Variants in FBXW7 observed in about 807,000 individuals in gnomAD.
The protein encoded by FBXW7 is F-box/WD repeat-containing protein 7.
In FBXW7, 11 loss-of-function variants were observed where a neutral mutation model predicts 86.3. That is an observed-to-expected ratio of 0.13 (90% CI 0.08 to 0.21). FBXW7 has a LOEUF of 0.21. Ranked by LOEUF, FBXW7 falls within the 10% of genes least tolerant of loss-of-function variation. The probability of loss-of-function intolerance (pLI) is 1.00; values close to 1 mark genes in which losing one functional copy is unlikely to be tolerated. For synonymous variants in FBXW7, 313 were observed against 297.9 expected (o/e 1.05, Z -0.52); for missense variants, 488 against 847.4 (o/e 0.58, Z 5.27).
chr4:152,409,170 G>A (rs1560860934), intron 4 of FBXW7, among the ~76,000 whole-genome samples: 1 of 152,144 alleles, frequency 6.6e-6, no homozygotes, highest in Non-Finnish European at 1.5e-5. Context: ...TGTCCACAGG[G>A]TTTGTTTATG....
chr4:152,367,093 A>T (rs2126720737), intron 4 of FBXW7, among the ~76,000 whole-genome samples: 1 of 152,210 alleles, frequency 6.6e-6, no homozygotes, highest in South Asian at 2.1e-4. Context: ...ATTTGGACAC[A>T]GGGCTGGGAA....
At chr4:152,412,829 G>C (rs1400367879) in intron 2 of FBXW7, among the ~76,000 whole-genome samples, 6 of 152,046 alleles carry the variant, frequency 3.9e-5, no homozygotes, top group Non-Finnish European at 2.9e-5. Context: ...AAAATAAACT[G>C]CATCTTAGGC....
At chr4:152,392,658 A>G (rs755836309) in intron 4 of FBXW7, among the ~76,000 whole-genome samples, 6 of 152,192 alleles carry the variant, frequency 3.9e-5, no homozygotes, top group Non-Finnish European at 8.8e-5. Context: ...TTTGACGGTG[A>G]TTGGTCAGGT....
At position 152,323,270 on chromosome 4, in the gene FBXW7, A is replaced by G. The variant is rs543274285; in HGVS notation, c.1856-121T>C. ...ATAAATGCAACATTTGAAATGATAC[A>G]TATTTAGAAACCCATGTCCTCAGTA... On this transcript the variant is annotated intron_variant, in intron 13 of 13. Coordinates refer to ENST00000281708, the MANE Select transcript of FBXW7 (RefSeq NM_001349798.2). The G allele has an allele frequency of 5.1e-6, 6 of 1,179,268 alleles. 1 individual carries two copies. The South Asian group carries it at 8.1e-5, about 16-fold the overall frequency. 73.1% of individuals were successfully genotyped at this position (1,179,268 alleles called of 1,614,324 possible).
intron 2 of FBXW7, among the ~76,000 whole-genome samples, chr4:152,466,541 C>T (rs928876395): frequency 2.0e-5 from 3 of 147,154 alleles, no homozygotes; most frequent in African/African-American, 2.5e-5. Flanking sequence ...GGCAACAGAG[C>T]GAGACTCCAT....
intron 4 of FBXW7, among the ~76,000 whole-genome samples, chr4:152,392,426 G>A (rs2126812769): frequency 6.6e-6 from 1 of 152,104 alleles, no homozygotes; most frequent in East Asian, 1.9e-4. Context: ...GCCCAAACTA[G>A]CCCAGGTAAA....
chr4:152,486,264 A>G (rs1745330698), intron 2 of FBXW7, among the ~76,000 whole-genome samples: 2 of 152,170 alleles, frequency 1.3e-5, no homozygotes, highest in African/African-American at 2.4e-5. Context: ...TAGGCTTTGT[A>G]AATATACACT....
At chr4:152,364,743 T>C (rs1347340397) in intron 4 of FBXW7, among the ~76,000 whole-genome samples, 2 of 152,140 alleles carry the variant, frequency 1.3e-5, no homozygotes, top group African/African-American at 4.8e-5. Flanking sequence ...AATTGTCCAT[T>C]TGATCCATGT....
intron 2 of FBXW7, among the ~76,000 whole-genome samples, chr4:152,461,420 C>T (rs1041223511): frequency 2.0e-5 from 3 of 151,910 alleles, no homozygotes; most frequent in African/African-American, 7.3e-5. Flanking sequence ...TTTTTTATTG[C>T]TGTACTGTAA....
intron 4 of FBXW7, among the ~76,000 whole-genome samples, chr4:152,407,868 C>T (rs2126864312): frequency 6.6e-6 from 1 of 152,274 alleles, no homozygotes; most frequent in African/African-American, 2.4e-5. Flanking sequence ...TCACACTCAG[C>T]TAATTTTTGT....
intron 2 of FBXW7, among the ~76,000 whole-genome samples, chr4:152,433,674 A>G (rs1451046769): frequency 6.6e-6 from 1 of 152,232 alleles, no homozygotes; most frequent in African/African-American, 2.4e-5. Flanking sequence ...CTACCTAAAA[A>G]GAAGGAATCT....
At chr4:152,424,310 T>A (rs2126926177) in intron 2 of FBXW7, among the ~76,000 whole-genome samples, 1 of 152,276 alleles carries the variant, frequency 6.6e-6, no homozygotes, top group South Asian at 2.1e-4. Context: ...GAACAAGACT[T>A]TTTGCATTTT....
chr4:152,467,882 T>C (rs976320813), intron 2 of FBXW7, among the ~76,000 whole-genome samples: 2 of 152,096 alleles, frequency 1.3e-5, no homozygotes, highest in Admixed American at 6.6e-5. Context: ...AGATAATCCA[T>C]AGGAGAAAAT....
intron 2 of FBXW7, among the ~76,000 whole-genome samples, chr4:152,492,976 C>T (rs983602910): frequency 1.5e-4 from 22 of 151,558 alleles, no homozygotes; most frequent in Admixed American, 4.0e-4. Context: ...AAATGGAAAT[C>T]AAAGTGGTAA....
intron 2 of FBXW7, among the ~76,000 whole-genome samples, chr4:152,533,720 G>C (rs1450400445): frequency 6.6e-6 from 1 of 152,136 alleles, no homozygotes; most frequent in Non-Finnish European, 1.5e-5. Context: ...TAGGGACACA[G>C]GTATGGAATA....
chr4:152,506,630 G>C (rs1481527501), intron 2 of FBXW7, among the ~76,000 whole-genome samples: 3 of 152,126 alleles, frequency 2.0e-5, no homozygotes, highest in Non-Finnish European at 2.9e-5. Context: ...TAGGTAAACA[G>C]GTAATATTGC....
chr4:152,502,445 A>C (rs1747043111), intron 2 of FBXW7, among the ~76,000 whole-genome samples: 1 of 152,294 alleles, frequency 6.6e-6, no homozygotes, highest in Non-Finnish European at 1.5e-5. Context: ...TCTACTCATC[A>C]ATCTAACACC....
At chr4:152,532,036 C>T (rs1263750445) in intron 2 of FBXW7, among the ~76,000 whole-genome samples, 1 of 152,154 alleles carries the variant, frequency 6.6e-6, no homozygotes, top group African/African-American at 2.4e-5. Flanking sequence ...GATTTTCCCC[C>T]TAACTAAAAA....
At chr4:152,457,786 T>C (rs1742568654) in intron 2 of FBXW7, among the ~76,000 whole-genome samples, 1 of 151,274 alleles carries the variant, frequency 6.6e-6, no homozygotes, top group Admixed American at 6.6e-5. Context: ...GGAGACAAAG[T>C]AAAGAATCTC....
Sources: allele counts gnomAD v4.1 joint callset (sites outside exome capture counted in the v4.1 genomes callset), GRCh38; gene constraint gnomAD v4.1.1; transcripts MANE v1.5; gene names NCBI Gene and HGNC (gene_info 2026-07-23, HGNC 2026-07-21).